Variants in SLIT2 observed in about 807,000 individuals in gnomAD.
The protein encoded by SLIT2 is slit homolog 2 protein.
SLIT2 carries 41 observed loss-of-function variants against 185.7 expected under a neutral mutation model. The observed-to-expected ratio is 0.22, with a 90% CI of 0.17 to 0.29. The LOEUF (loss-of-function observed/expected upper bound fraction) is 0.29, where lower values mean the gene tolerates loss of function less well. SLIT2 is among the 10% of genes least tolerant of loss of function. The pLI is 1.00. For missense variants in SLIT2, 1,571 were observed against 1,909.0 expected, an observed-to-expected ratio of 0.82 and a Z score of 3.30; for synonymous variants, 693 against 680.2, an observed-to-expected ratio of 1.02 and a Z score of -0.29.
At chr4:20,337,780 CA>C (rs1720629654) in intron 4 of SLIT2, among the ~76,000 whole-genome samples, 1 of 152,104 alleles carries the variant, frequency 6.6e-6, no homozygotes, top group Non-Finnish European at 1.5e-5. Context: ...CAACATGTAG[CA>C]GATGGCTTCT....
chr4:20,574,847 C>T (rs1410040312), intron 29 of SLIT2, among the ~76,000 whole-genome samples: 1 of 150,636 alleles, frequency 6.6e-6, no homozygotes, highest in East Asian at 1.9e-4. Context: ...TCTTCTCTTG[C>T]TATGGGCTTC....
chr4:20,602,110 T>C (rs1015028765), intron 33 of SLIT2, among the ~76,000 whole-genome samples: 2 of 152,232 alleles, frequency 1.3e-5, no homozygotes, highest in Non-Finnish European at 2.9e-5. Flanking sequence ...ATGTCAACTA[T>C]TGTTTCACAT....
intron 4 of SLIT2, among the ~76,000 whole-genome samples, chr4:20,327,626 C>T (rs180805031): frequency 6.6e-6 from 1 of 151,998 alleles, no homozygotes; most frequent in East Asian, 1.9e-4. Flanking sequence ...AATTTTATTT[C>T]ATTTCACTGG....
At position 20,610,008 on chromosome 4, in the gene SLIT2, T is replaced by C; in HGVS notation, c.3693-5T>C. 5.6e-6 allele frequency: 9 copies of C among 1,603,742 alleles called. No homozygotes were observed. The highest frequency in any genetic ancestry group is 7.7e-6 in the Non-Finnish European group (9 of 1,176,104). ...AAGAATCAGCCATTTTTTTTTCCGTTGTAGTGTGGAGACAATCAATGATGG... is the reference window on the plus strand; with the variant it reads ...AAGAATCAGCCATTTTTTTTTCCGTCGTAGTGTGGAGACAATCAATGATGG... On this transcript the variant is annotated splice_region_variant and splice_polypyrimidine_tract_variant and intron_variant, in intron 33 of 36. Coordinates refer to ENST00000504154, the MANE Select transcript of SLIT2 (RefSeq NM_004787.4).
chr4:20,512,910 A>T (rs1719883429), intron 11 of SLIT2, among the ~76,000 whole-genome samples: 1 of 152,158 alleles, frequency 6.6e-6, no homozygotes, highest in Admixed American at 6.5e-5. Flanking sequence ...ATATATAAAG[A>T]TATTTACAAG....
intron 4 of SLIT2, among the ~76,000 whole-genome samples, chr4:20,448,349 C>T (rs1006897378): frequency 6.6e-5 from 10 of 151,948 alleles, no homozygotes; most frequent in Non-Finnish European, 4.4e-5. Flanking sequence ...TCACTCAGGC[C>T]GGAGTGCAGT....
intron 4 of SLIT2, among the ~76,000 whole-genome samples, chr4:20,461,184 G>A (rs1313848945): frequency 6.6e-6 from 1 of 152,112 alleles, no homozygotes; most frequent in East Asian, 1.9e-4. Context: ...TAGGAAGTAG[G>A]TGCTTGAGGC....
chr4:20,332,571 A>G (rs1316546251), intron 4 of SLIT2, among the ~76,000 whole-genome samples: 2 of 152,012 alleles, frequency 1.3e-5, no homozygotes, highest in Non-Finnish European at 2.9e-5. Flanking sequence ...AATTCCACCT[A>G]TTTGGGAGAC....
chr4:20,485,677 A>C (rs552121433), intron 6 of SLIT2, among the ~76,000 whole-genome samples: 1 of 152,314 alleles, frequency 6.6e-6, no homozygotes, highest in African/African-American at 2.4e-5. Context: ...GTTTCCACTC[A>C]AATTTCAGCA....
At position 20,523,890 on chromosome 4, in the gene SLIT2, G is replaced by T. The variant is rs1560499990; in HGVS notation, c.1261G>T (p.Ala421Ser). The change falls in exon 13 of 37, where the codon GCC becomes TCC. Residue 421 changes from alanine (A) to serine (S), a missense_variant. This residue lies in a region of SLIT2 where 1,202 missense variants were observed against 1,416.4 expected (regional missense o/e 0.85). Transcript: ENST00000504154. ...IAKGTFSPLRAIQTMHLAQNP... is the reference protein window; with the variant it reads ...IAKGTFSPLRSIQTMHLAQNP... ...CAAGGGGACCTTTTCACCTCTTCGG[G>T]CCATTCAAACTATGTATGTATAAGT... 1 of 1,614,042 alleles carries T rather than the reference G, an allele frequency of 6.2e-7. No homozygotes were observed. The highest frequency in any genetic ancestry group is 8.5e-7 in the Non-Finnish European group (1 of 1,179,978).
At chr4:20,485,735 A>C (rs757554410) in intron 6 of SLIT2, among the ~76,000 whole-genome samples, 1 of 152,190 alleles carries the variant, frequency 6.6e-6, no homozygotes, top group Non-Finnish European at 1.5e-5. Flanking sequence ...TCTGTTCCAA[A>C]GCCTGACACG....
At chr4:20,525,036 C>A in intron 14 of SLIT2, 113 bp from the exon 15 acceptor site, 1 of 756,116 alleles carries the variant, frequency 1.3e-6, no homozygotes, top group Non-Finnish European at 2.3e-6. Flanking sequence ...TGTGAATATA[C>A]ATTTTTCACT....
chr4:20,457,817 A>G (rs1221525219), intron 4 of SLIT2, among the ~76,000 whole-genome samples: 1 of 152,222 alleles, frequency 6.6e-6, no homozygotes, highest in Non-Finnish European at 1.5e-5. Flanking sequence ...ATGGAAGTGC[A>G]GAAAGTAAGA....
intron 29 of SLIT2, among the ~76,000 whole-genome samples, chr4:20,586,970 A>G (rs1317968305): frequency 6.6e-6 from 1 of 152,202 alleles, no homozygotes; most frequent in Non-Finnish European, 1.5e-5. Flanking sequence ...TTGGATGCAG[A>G]AAATGTTTTT....
chr4:20,380,029 C>G (rs1031640515), intron 4 of SLIT2, among the ~76,000 whole-genome samples: 1 of 152,072 alleles, frequency 6.6e-6, no homozygotes, highest in Non-Finnish European at 1.5e-5. Context: ...CTATGCTTGA[C>G]TGTGATGAAA....
At chr4:20,389,194 A>G (rs1321188313) in intron 4 of SLIT2, among the ~76,000 whole-genome samples, 1 of 151,542 alleles carries the variant, frequency 6.6e-6, no homozygotes, top group Non-Finnish European at 1.5e-5. Context: ...CATTAGAGAT[A>G]TTATCATCAC....
intron 9 of SLIT2, among the ~76,000 whole-genome samples, chr4:20,497,685 T>C (rs1018081985): frequency 6.6e-6 from 1 of 152,182 alleles, no homozygotes; most frequent in African/African-American, 2.4e-5. Flanking sequence ...GTTTAACTTG[T>C]TATTTGAAAA....
Position 20,548,558 on chromosome 4 carries a change from T to A in SLIT2, c.2416T>A (p.Leu806Ile). ...SFSNMTQLLTLILSYNRLRCI... is the reference protein window; with the variant it reads ...SFSNMTQLLTIILSYNRLRCI... ...CAGCAACATGACCCAGCTCCTCACC[T>A]TGTGAGTGTGAAAGTGTGGTACTGA... Residue 806 changes from leucine to isoleucine, a missense_variant and splice_region_variant, in exon 23 of 37, where the codon TTA becomes ATA. Leu to Ile is a conservative substitution (Grantham distance 5, BLOSUM62 2). Transcript: ENST00000504154. The A allele has an allele frequency of 6.3e-7, 1 of 1,587,932 alleles. No homozygotes were observed. Among genetic ancestry groups the A allele is most frequent in the Non-Finnish European group, 8.6e-7 (1 of 1,156,516 alleles).
At chr4:20,289,386 C>T (rs777666965) in intron 4 of SLIT2, among the ~76,000 whole-genome samples, 1 of 152,044 alleles carries the variant, frequency 6.6e-6, no homozygotes, top group Non-Finnish European at 1.5e-5. Context: ...TGAGTAGTTA[C>T]TATTGTTGTT....
Sources: gnomAD v4.1 joint callset for allele counts (sites outside exome capture counted in the v4.1 genomes callset) on GRCh38, gnomAD v4.1.1 for gene constraint, gnomAD v4.1.1 regional missense constraint, MANE v1.5 for transcripts, NCBI Gene and HGNC (gene_info 2026-07-23, HGNC 2026-07-21) for gene names.